KCNU1: variants seen among roughly 807,000 people sequenced by gnomAD.
The protein encoded by KCNU1 is potassium calcium-activated channel subfamily U member 1, also known as potassium channel subfamily U member 1.
KCNU1 carries 93 observed loss-of-function variants against 126.8 expected under a neutral mutation model. That is an observed-to-expected ratio of 0.73 (90% CI 0.62 to 0.87). KCNU1 has a LOEUF of 0.87. Ranked by LOEUF, KCNU1 falls within the 40% of genes least tolerant of loss-of-function variation. The pLI is 0.00. For synonymous variants in KCNU1, 523 were observed against 494.2 expected (o/e 1.06, Z -0.77); for missense variants, 1,330 against 1,367.1 (o/e 0.97, Z 0.43).
At chr8:36,800,393 G>A (rs1433360898) in intron 2 of KCNU1, among the ~76,000 whole-genome samples, 1 of 152,144 alleles carries the variant, frequency 6.6e-6, no homozygotes, top group African/African-American at 2.4e-5. Context: ...ATAAGCTTGG[G>A]GAATAAGGCT....
intron 19 of KCNU1, among the ~76,000 whole-genome samples, chr8:36,897,409 C>T (rs1464929250): frequency 6.6e-6 from 1 of 151,930 alleles, no homozygotes; most frequent in Non-Finnish European, 1.5e-5. Context: ...CAGTATTTCC[C>T]TCTGGAGCTT....
At chr8:36,877,035 A>G (rs538026408) in intron 19 of KCNU1, among the ~76,000 whole-genome samples, 46 of 151,968 alleles carry the variant, frequency 3.0e-4, no homozygotes, top group Non-Finnish European at 4.0e-4. Flanking sequence ...TAAAATCAAC[A>G]CTTTTCCCAA....
At chr8:36,802,542 G>C (rs1159777742) in intron 2 of KCNU1, among the ~76,000 whole-genome samples, 1 of 152,172 alleles carries the variant, frequency 6.6e-6, no homozygotes, top group Non-Finnish European at 1.5e-5. Context: ...TCACATGGGA[G>C]AGACTTCTAT....
At chr8:36,835,366 C>T (rs542843796) in intron 12 of KCNU1, among the ~76,000 whole-genome samples, 65 of 144,332 alleles carry the variant, frequency 4.5e-4, no homozygotes, top group African/African-American at 8.3e-4. Flanking sequence ...TTTTTTGAGA[C>T]GGAGTTTTGC....
At chr8:36,922,018 G>C (rs751270927) in intron 23 of KCNU1, among the ~76,000 whole-genome samples, 4 of 152,264 alleles carry the variant, frequency 2.6e-5, no homozygotes, top group Admixed American at 2.6e-4. Flanking sequence ...CATTTTGAAA[G>C]GCACTGGGCT....
chr8:36,823,412 G>A (rs1344918246), intron 10 of KCNU1, among the ~76,000 whole-genome samples: 1 of 151,922 alleles, frequency 6.6e-6, no homozygotes, highest in Non-Finnish European at 1.5e-5. Context: ...CATCAGATTT[G>A]CAAATGAGAA....
intron 7 of KCNU1, among the ~76,000 whole-genome samples, chr8:36,809,948 C>A (rs1257125215): frequency 1.3e-5 from 2 of 152,092 alleles, no homozygotes; most frequent in Non-Finnish European, 2.9e-5. Flanking sequence ...ATCAGAATTT[C>A]TGAATTCTTT....
chr8:36,822,630 A>C (rs979494334), intron 10 of KCNU1, among the ~76,000 whole-genome samples: 1 of 152,214 alleles, frequency 6.6e-6, no homozygotes, highest in Non-Finnish European at 1.5e-5. Context: ...TGTTATGAAA[A>C]TAAAATATTA....
chr8:36,906,538 G>A (rs1484732889), intron 20 of KCNU1, among the ~76,000 whole-genome samples: 1 of 152,136 alleles, frequency 6.6e-6, no homozygotes, highest in African/African-American at 2.4e-5. Flanking sequence ...CTTACAAGTA[G>A]TAGCTGATAA....
chr8:36,836,186 C>A, intron 12 of KCNU1, 110 bp from the exon 13 acceptor site: 1 of 671,228 alleles, frequency 1.5e-6, no homozygotes, highest in South Asian at 2.0e-5. Context: ...TTATTATATG[C>A]CAAGTTTTTC....
chr8:36,902,372 G>A (rs1453985044), intron 19 of KCNU1, among the ~76,000 whole-genome samples: 1 of 152,040 alleles, frequency 6.6e-6, no homozygotes, highest in East Asian at 1.9e-4. Context: ...TTTGCCAATA[G>A]GGCATTTAAC....
At chr8:36,896,111 A>C (rs1319578759) in intron 19 of KCNU1, among the ~76,000 whole-genome samples, 1 of 151,768 alleles carries the variant, frequency 6.6e-6, no homozygotes, top group African/African-American at 2.4e-5. Context: ...CTTAAAAATT[A>C]TTTTTTTATT....
At chr8:36,910,869 G>C in intron 21 of KCNU1, 61 bp from the exon 22 acceptor site, 1 of 1,208,044 alleles carries the variant, frequency 8.3e-7, no homozygotes, top group South Asian at 1.5e-5. Context: ...CCACCACCAT[G>C]AGCCATGATA....
chr8:36,854,371 C>T (rs919866854), intron 18 of KCNU1, among the ~76,000 whole-genome samples: 1 of 152,022 alleles, frequency 6.6e-6, no homozygotes, highest in African/African-American at 2.4e-5. Flanking sequence ...TTGATAATGT[C>T]CCAGCGGTCC....
chr8:36,868,983 A>G (rs916802024), intron 19 of KCNU1, among the ~76,000 whole-genome samples: 2 of 152,098 alleles, frequency 1.3e-5, no homozygotes, highest in African/African-American at 4.8e-5. Flanking sequence ...TGGGTGAGTT[A>G]CGACAGTTTT....
rs1249609943 is a variant in KCNU1 at position 36,895,171 on chromosome 8, C to G, written c.2010-10537C>G. 6.6e-5 allele frequency among the ~76,000 whole-genome samples: 10 copies of G among 152,002 alleles called. No homozygotes were observed. In the South Asian group the frequency reaches 1.0e-3, roughly 16 times the overall value. ...GGCACAATCTCAGCTCACTGCCCCCCCAGTTCAAGTGAGTCTTCTGCCTCA... is the reference window on the plus strand; with the variant it reads ...GGCACAATCTCAGCTCACTGCCCCCGCAGTTCAAGTGAGTCTTCTGCCTCA... On this transcript the variant is annotated intron_variant, in intron 19 of 26. Transcript: ENST00000399881.
intron 23 of KCNU1, among the ~76,000 whole-genome samples, chr8:36,919,513 C>T (rs547306916): frequency 2.0e-5 from 3 of 150,820 alleles, no homozygotes; most frequent in East Asian, 2.0e-4. Context: ...TCCCTAGGCA[C>T]GAGGAGCTGT....
intron 1 of KCNU1, among the ~76,000 whole-genome samples, chr8:36,784,976 C>A (rs935758290): frequency 6.6e-6 from 1 of 152,208 alleles, no homozygotes; most frequent in Admixed American, 6.5e-5. Context: ...TGAAAGGGAA[C>A]AAGACATCAA....
chr8:36,880,579 G>A (rs527589467), intron 19 of KCNU1, among the ~76,000 whole-genome samples: 40 of 152,226 alleles, frequency 2.6e-4, no homozygotes, highest in African/African-American at 9.1e-4. Flanking sequence ...GAGAGAAAGA[G>A]GTGGGGAAGT....
Sources: gnomAD v4.1 joint callset for allele counts (sites outside exome capture counted in the v4.1 genomes callset) on GRCh38, gnomAD v4.1.1 for gene constraint, MANE v1.5 for transcripts, NCBI Gene and HGNC (gene_info 2026-07-23, HGNC 2026-07-21) for gene names.